The following LAMA4 variants were observed in gnomAD, a reference collection of about 807,000 sequenced individuals.
LAMA4 encodes the protein laminin subunit alpha-4.
In LAMA4, 127 loss-of-function variants were observed where a neutral mutation model predicts 207.1. The ratio of observed to expected loss-of-function variants is 0.61; its 90% CI spans 0.53 to 0.71. The LOEUF (loss-of-function observed/expected upper bound fraction) is 0.71, where lower values mean the gene tolerates loss of function less well. Among genes scored for constraint, LAMA4 ranks in the 30% least tolerant of loss-of-function variants. LAMA4 has a pLI of 0.00. For missense variants in LAMA4, 2,093 were observed against 2,246.5 expected (o/e 0.93, Z 1.38); for synonymous variants, 761 against 816.0 (o/e 0.93, Z 1.15).
At chr6:112,242,650 G>A (rs1554187895) in intron 2 of LAMA4, among the ~76,000 whole-genome samples, 1 of 152,130 alleles carries the variant, frequency 6.6e-6, no homozygotes, top group Non-Finnish European at 1.5e-5. Context: ...CAGTAGCAAT[G>A]TTTTAGACCC....
At chr6:112,132,713 T>G in intron 28 of LAMA4, 40 bp downstream of exon 28, 1 of 1,591,484 alleles carries the variant, frequency 6.3e-7, no homozygotes, top group African/African-American at 1.3e-5. Flanking sequence ...GCAAAACAAT[T>G]ATCACAAAGA....
At chr6:112,157,207 G>A (rs1780771655) in intron 14 of LAMA4, among the ~76,000 whole-genome samples, 1 of 152,006 alleles carries the variant, frequency 6.6e-6, no homozygotes, top group South Asian at 2.1e-4. Flanking sequence ...TTTTAAAAAA[G>A]GGACAAAAGA....
At chr6:112,214,046 A>C in intron 3 of LAMA4, 2 of 763,168 alleles carry the variant, frequency 2.6e-6, no homozygotes, top group Non-Finnish European at 4.9e-6. Flanking sequence ...GAAGCTGAAA[A>C]ACCTGGGTCT....
chr6:112,253,231 T>G (rs943523902), intron 2 of LAMA4: 1 of 162,804 alleles, frequency 6.1e-6, no homozygotes, highest in Non-Finnish European at 1.3e-5. Flanking sequence ...GTTCAGGGGT[T>G]CTTAAATCAC....
intron 26 of LAMA4, 50 bp from the exon 27 acceptor site, chr6:112,133,537 C>T (rs1583672604): frequency 6.2e-7 from 1 of 1,606,488 alleles, no homozygotes; most frequent in African/African-American, 1.3e-5. Context: ...ATGATGTTAC[C>T]CTGCATATGT....
intron 6 of LAMA4, among the ~76,000 whole-genome samples, chr6:112,190,943 CTTTCCTT>C (rs1783052929): frequency 2.4e-5 from 1 of 42,400 alleles, no homozygotes; most frequent in Non-Finnish European, 4.6e-5. Context: ...TTCTTTCTTT[CTTTCCTT>C]TCTTTCTTTC....
chr6:112,189,356 C>A, intron 6 of LAMA4, 151 bp from the exon 7 acceptor site: 2 of 681,458 alleles, frequency 2.9e-6, no homozygotes, highest in South Asian at 1.6e-5. Flanking sequence ...GTAGAATCTA[C>A]GATACAGAGA....
intron 16 of LAMA4, among the ~76,000 whole-genome samples, chr6:112,152,059 T>C (rs1181988500): frequency 2.0e-5 from 3 of 152,110 alleles, no homozygotes; most frequent in African/African-American, 7.2e-5. Flanking sequence ...GCTAATATAT[T>C]GATTAGAATT....
chr6:112,139,735 T>A lies in LAMA4; in HGVS notation c.3110+17A>T. The A allele has an allele frequency of 6.2e-7, 1 of 1,613,322 alleles. No homozygotes were observed. The highest frequency in any genetic ancestry group is 8.5e-7 in the Non-Finnish European group (1 of 1,179,256). On this transcript the variant is annotated intron_variant, in intron 23 of 38. Transcript: ENST00000230538. ...GCATGAATATCCAAGTCTTTAGTAC[T>A]CTTAACTGTCTCTTACCGGGCACAT...
Position 112,175,310 on chromosome 6 carries a change from T to C in LAMA4, c.1357+3A>G, listed in dbSNP as rs782645440. On this transcript the variant is annotated splice_donor_region_variant and intron_variant, in intron 11 of 38. Transcript: ENST00000230538. ...GGGTCAGCTATGAGAGGAATACACC[T>C]ACGTTCGTAAGCCTCATCTGCCTCC... 1.9e-6 allele frequency: 3 copies of C among 1,613,802 alleles called. No individual in the cohort carries two copies. In the Admixed American group the frequency reaches 5.0e-5, roughly 27 times the overall value.
rs1177271294 is a variant in LAMA4 at position 112,109,147 on chromosome 6, TA to T, written c.*289del. ...GCAAGTGTTTATTTGGAATCCCTTC[TA>T]TTTTATTAGAAACAGAAACAGTAAT... On this transcript the variant is annotated 3_prime_UTR_variant, in exon 39 of 39. Coordinates refer to ENST00000230538, the MANE Select transcript of LAMA4 (RefSeq NM_001105206.3). The T allele has an allele frequency of 1.2e-4, 50 of 417,588 alleles. No individual in the cohort carries two copies. Among genetic ancestry groups the T allele is most frequent in the Non-Finnish European group, 1.9e-4 (43 of 225,332 alleles). 25.9% of individuals were successfully genotyped at this position (417,588 alleles called of 1,614,324 possible).
At chr6:112,222,464 G>T (rs1784977167) in intron 2 of LAMA4, among the ~76,000 whole-genome samples, 1 of 152,126 alleles carries the variant, frequency 6.6e-6, no homozygotes, top group South Asian at 2.1e-4. Flanking sequence ...GCCATGCCTT[G>T]CTCAGCTTAC....
chr6:112,121,863 T>G, intron 32 of LAMA4, 151 bp downstream of exon 32: 1 of 696,652 alleles, frequency 1.4e-6, no homozygotes, highest in Admixed American at 2.1e-5. Context: ...ATAGCATAAA[T>G]CATGTACTAT....
intron 2 of LAMA4, chr6:112,236,568 G>A (rs1319585688): frequency 6.6e-6 from 1 of 152,132 alleles, no homozygotes; most frequent in Non-Finnish European, 1.5e-5. Context: ...TAAAAGCTGA[G>A]GTCTTCAAGC....
In LAMA4 at chr6:112,161,830, G is replaced by A. The variant is rs146614957; in HGVS notation, c.1669-2950C>T. Among the ~76,000 whole-genome samples the A allele has an allele frequency of 1.5e-3, 233 of 152,172 alleles. 2 individuals are homozygous for A. The highest frequency in any genetic ancestry group is 5.4e-3 in the African/African-American group (226 of 41,500). On this transcript the variant is annotated intron_variant, in intron 13 of 38. Transcript: ENST00000230538. Reference sequence around the variant, plus strand: ...AAATCCTGAGGCAGGAAATAAGTATGGTATATTTGAAAAATAGAGAGGAGT... The same window carrying A: ...AAATCCTGAGGCAGGAAATAAGTATAGTATATTTGAAAAATAGAGAGGAGT...
At chr6:112,209,686 A>G (rs1784257503) in intron 3 of LAMA4, among the ~76,000 whole-genome samples, 1 of 152,174 alleles carries the variant, frequency 6.6e-6, no homozygotes, top group Admixed American at 6.5e-5. Context: ...ATGGCCTTTC[A>G]GGTTTCTTCT....
At chr6:112,151,748 A>G (rs1562666756) in intron 16 of LAMA4, among the ~76,000 whole-genome samples, 2 of 152,144 alleles carry the variant, frequency 1.3e-5, no homozygotes, top group Non-Finnish European at 2.9e-5. Context: ...TATTAGTGGA[A>G]AAGCATTCAA....
intron 10 of LAMA4, among the ~76,000 whole-genome samples, chr6:112,177,716 C>T (rs1782108929): frequency 6.6e-6 from 1 of 152,168 alleles, no homozygotes; most frequent in Non-Finnish European, 1.5e-5. Flanking sequence ...ATAGAAAGAG[C>T]TTGTGATGAT....
chr6:112,210,574 C>G (rs1185947172), intron 3 of LAMA4, among the ~76,000 whole-genome samples: 1 of 152,132 alleles, frequency 6.6e-6, no homozygotes, highest in Non-Finnish European at 1.5e-5. Context: ...GGTTAGCCTT[C>G]CTGTGTTTGT....
Sources: gnomAD v4.1 joint callset for allele counts (sites outside exome capture counted in the v4.1 genomes callset) on GRCh38, gnomAD v4.1.1 for gene constraint, MANE v1.5 for transcripts, NCBI Gene and HGNC (gene_info 2026-07-23, HGNC 2026-07-21) for gene names.